The following MOXD1 variants were observed in gnomAD, a reference collection of about 807,000 sequenced individuals.
MOXD1 encodes monooxygenase DBH like 1, also known as DBH-like monooxygenase protein 1.
A neutral mutation model predicts 66.6 loss-of-function variants in MOXD1; 62 were observed. The observed-to-expected ratio is 0.93, with a 90% confidence interval of 0.76 to 1.15. MOXD1 has a LOEUF of 1.15. MOXD1 is among the 50% of genes most tolerant of loss of function. The pLI, the probability that MOXD1 is intolerant of heterozygous loss-of-function variation, is 0.00. For synonymous variants in MOXD1, 303 were observed against 281.9 expected, an observed-to-expected ratio of 1.07 and a Z score of -0.75; for missense variants, 847 against 754.6, an observed-to-expected ratio of 1.12 and a Z score of -1.44.
chr6:132,316,831 T>C (rs1396704852), intron 9 of MOXD1, among the ~76,000 whole-genome samples: 2 of 152,134 alleles, frequency 1.3e-5, no homozygotes, highest in African/African-American at 4.8e-5. Flanking sequence ...ACTGGAGTTC[T>C]AGAATGAGAG....
At chr6:132,309,102 A>G (rs1205337425) in intron 10 of MOXD1, among the ~76,000 whole-genome samples, 2 of 152,188 alleles carry the variant, frequency 1.3e-5, no homozygotes, top group Non-Finnish European at 2.9e-5. Context: ...AGATGACATA[A>G]TTTTATATTT....
rs552052649 is a variant in MOXD1 at position 132,322,025 on chromosome 6, C to T, written c.1305+654G>A. ...AAAGATATTGCCATTACTCTCATTT[C>T]GTAAATGGTATAGGGATCTGACTTT... On this transcript the variant is annotated intron_variant, in intron 8 of 11. Transcript: ENST00000367963. Among the ~76,000 whole-genome samples, 278 of 152,174 alleles carry T rather than the reference C, an allele frequency of 1.8e-3. 1 individual carries two copies. The highest frequency in any genetic ancestry group is 6.8e-3 in the Middle Eastern group (2 of 294).
intron 11 of MOXD1, 30 bp from the exon 12 acceptor site, chr6:132,297,347 G>C: frequency 6.2e-7 from 1 of 1,607,050 alleles, no homozygotes; most frequent in Non-Finnish European, 8.5e-7. Context: ...CAATGCAAAT[G>C]AACATCTGAT....
intron 1 of MOXD1, among the ~76,000 whole-genome samples, chr6:132,379,012 C>T (rs1282965852): frequency 6.9e-6 from 1 of 144,046 alleles, no homozygotes; most frequent in African/African-American, 2.6e-5. Context: ...CTCCTGGGTT[C>T]CTAATTCCTT....
intron 4 of MOXD1, among the ~76,000 whole-genome samples, chr6:132,348,049 T>A (rs1775702763): frequency 6.6e-6 from 1 of 152,200 alleles, no homozygotes; most frequent in Non-Finnish European, 1.5e-5. Flanking sequence ...ATCTCCATCC[T>A]AGGTAGATAC....
intron 1 of MOXD1, among the ~76,000 whole-genome samples, chr6:132,400,491 G>A (rs1384497435): frequency 6.6e-6 from 1 of 151,868 alleles, no homozygotes; most frequent in Non-Finnish European, 1.5e-5. Context: ...AAGTAAATCA[G>A]CAGCGGTCAA....
intron 10 of MOXD1, among the ~76,000 whole-genome samples, chr6:132,307,281 C>T (rs959773745): frequency 3.9e-5 from 6 of 152,172 alleles, no homozygotes; most frequent in African/African-American, 7.2e-5. Flanking sequence ...AATGGCATTA[C>T]GTAATGGTAA....
intron 1 of MOXD1, 65 bp from the exon 2 acceptor site, chr6:132,374,842 C>T (rs1436739411): frequency 7.0e-7 from 1 of 1,434,908 alleles, no homozygotes; most frequent in African/African-American, 1.4e-5. Context: ...ATTCATAGGA[C>T]CTTTAAAGAC....
At chr6:132,386,433 CAAA>C (rs143926667) in intron 1 of MOXD1, among the ~76,000 whole-genome samples, 1 of 65,108 alleles carries the variant, frequency 1.5e-5, no homozygotes, top group African/African-American at 5.1e-5. Flanking sequence ...CAAAACAAAA[CAAA>C]AAAAAAAAAC....
chr6:132,345,360 C>A (rs1220805381), intron 4 of MOXD1, among the ~76,000 whole-genome samples: 5 of 151,846 alleles, frequency 3.3e-5, no homozygotes, highest in Non-Finnish European at 5.9e-5. Context: ...TTTTGTCTAT[C>A]TATATTATCT....
In MOXD1 at chr6:132,401,235, G is replaced by A. The variant is rs771606858; in HGVS notation, c.192C>T (p.Phe64=). 1.3e-6 allele frequency: 2 copies of A among 1,586,262 alleles called. No individual in the cohort carries two copies. Among genetic ancestry groups the A allele is most frequent in the African/African-American group, 1.4e-5 (1 of 73,978 alleles). The stretch of plus-strand genomic sequence containing the variant: ...CGGACGCCATGGCCCCGGTGGGCGA[G>A]AAGCCGAAGCCCACGTAGCCTGCAG... ...VRTAGYVGFG[F]SPTGAMASAD... is the part of the protein sequence containing the mutation. The change falls in exon 1 of 12, where the codon TTC becomes TTT. Residue 64 remains phenylalanine, a synonymous_variant. Coordinates refer to ENST00000367963, the MANE Select transcript of MOXD1 (RefSeq NM_015529.4).
intron 9 of MOXD1, among the ~76,000 whole-genome samples, chr6:132,318,838 G>A (rs1305673680): frequency 6.6e-6 from 1 of 151,896 alleles, no homozygotes; most frequent in East Asian, 1.9e-4. Flanking sequence ...TGATTTTTAT[G>A]CATTGTGTGA....
Position 132,302,744 on chromosome 6 carries a change from T to C in MOXD1, c.1509-4789A>G, listed in dbSNP as rs9385599. Among the ~76,000 whole-genome samples the C allele has an allele frequency of 0.025, 3,744 of 152,174 alleles. 344 individuals are homozygous for C. In the East Asian group the frequency reaches 0.33, roughly 13 times the overall value. On this transcript the variant is annotated intron_variant, in intron 10 of 11. Transcript: ENST00000367963. ...GTATGAAAATAGAATAAACCTAGAC[T>C]ATCAAAATAATTTTGGGAAAAAATG...
intron 8 of MOXD1, among the ~76,000 whole-genome samples, chr6:132,321,267 A>AG (rs1384075814): frequency 6.6e-6 from 1 of 151,840 alleles, no homozygotes; most frequent in African/African-American, 2.4e-5. Context: ...CCATCTCAAA[A>AG]AAAAAAAGTC....
intron 10 of MOXD1, among the ~76,000 whole-genome samples, chr6:132,313,776 G>T (rs757942033): frequency 6.6e-6 from 1 of 152,002 alleles, no homozygotes; most frequent in Non-Finnish European, 1.5e-5. Flanking sequence ...TTAGCTGGGC[G>T]TGGTGGCGAG....
intron 1 of MOXD1, among the ~76,000 whole-genome samples, chr6:132,381,677 G>T (rs1160188344): frequency 6.6e-6 from 1 of 152,112 alleles, no homozygotes. Context: ...AGGGATAAAT[G>T]TTATTCAAGT....
At chr6:132,389,557 T>C (rs999278545) in intron 1 of MOXD1, among the ~76,000 whole-genome samples, 3 of 151,584 alleles carry the variant, frequency 2.0e-5, no homozygotes, top group African/African-American at 7.2e-5. Context: ...TCCCAAGGAT[T>C]GTGCTTTGAC....
chr6:132,318,816 T>C (rs1283527571), intron 9 of MOXD1, among the ~76,000 whole-genome samples: 2 of 152,116 alleles, frequency 1.3e-5, no homozygotes, highest in African/African-American at 4.8e-5. Flanking sequence ...AAATATTTAA[T>C]ACATCTGGCA....
At chr6:132,340,378 A>C (rs977859212) in intron 4 of MOXD1, among the ~76,000 whole-genome samples, 1 of 151,740 alleles carries the variant, frequency 6.6e-6, no homozygotes, top group African/African-American at 2.4e-5. Flanking sequence ...TGACTACTCA[A>C]ATCTGGATTA....
Sources: gnomAD v4.1 joint callset for allele counts (sites outside exome capture counted in the v4.1 genomes callset) on GRCh38, gnomAD v4.1.1 for gene constraint, MANE v1.5 for transcripts, NCBI Gene and HGNC (gene_info 2026-07-23, HGNC 2026-07-21) for gene names.